Variants in EIF4E3 observed in about 807,000 individuals in gnomAD.
EIF4E3 encodes eukaryotic translation initiation factor 4E family member 3.
A neutral mutation model predicts 31.7 loss-of-function variants in EIF4E3; 26 were observed. The observed-to-expected ratio is 0.82, with a 90% confidence interval of 0.60 to 1.14. The LOEUF is 1.14. EIF4E3 is among the 50% of genes most tolerant of loss of function. The pLI, the probability that EIF4E3 is intolerant of heterozygous loss-of-function variation, is 0.00. For synonymous variants in EIF4E3, 128 were observed against 107.7 expected (o/e 1.19, Z -1.17); for missense variants, 304 against 270.9 (o/e 1.12, Z -0.86).
intron 1 of EIF4E3, among the ~76,000 whole-genome samples, chr3:71,714,539 G>A: frequency 6.6e-6 from 1 of 152,160 alleles, no homozygotes. Flanking sequence ...CGGGCCAGAG[G>A]AAGGCATGGC....
At chr3:71,706,596 A>G (rs1037660046) in intron 2 of EIF4E3, among the ~76,000 whole-genome samples, 1 of 152,140 alleles carries the variant, frequency 6.6e-6, no homozygotes, top group African/African-American at 2.4e-5. Flanking sequence ...GAGGGAACAC[A>G]GCTTGAGGTC....
At chr3:71,732,079 C>G (rs1464108043) in intron 1 of EIF4E3, among the ~76,000 whole-genome samples, 2 of 152,192 alleles carry the variant, frequency 1.3e-5, no homozygotes, top group Non-Finnish European at 2.9e-5. Context: ...GGGCCCACCC[C>G]CTCCACCACT....
At chr3:71,747,437 G>A (rs1041021574) in intron 1 of EIF4E3, among the ~76,000 whole-genome samples, 1 of 152,134 alleles carries the variant, frequency 6.6e-6, no homozygotes. Flanking sequence ...TTAGAGAAAT[G>A]CCTATTTAAA....
chr3:71,698,706 G>C (rs890800070), intron 3 of EIF4E3, among the ~76,000 whole-genome samples: 2 of 152,204 alleles, frequency 1.3e-5, no homozygotes. Context: ...GGGCTCGTGA[G>C]TACTGACAAT....
At chr3:71,706,262 T>A (rs1466442360) in intron 2 of EIF4E3, among the ~76,000 whole-genome samples, 1 of 152,170 alleles carries the variant, frequency 6.6e-6, no homozygotes, top group East Asian at 1.9e-4. Context: ...AAGGCATGAC[T>A]GGCTCTTTCC....
chr3:71,686,627 T>A (rs1048064391), intron 6 of EIF4E3, among the ~76,000 whole-genome samples: 6 of 151,726 alleles, frequency 4.0e-5, no homozygotes. Context: ...GAAAACACGC[T>A]TTGATCTGCA....
intron 5 of EIF4E3, among the ~76,000 whole-genome samples, chr3:71,691,786 T>A (rs1016863755): frequency 8.5e-5 from 13 of 152,376 alleles, no homozygotes; most frequent in African/African-American, 2.6e-4. Context: ...GAAAATATTT[T>A]TAGATACAGA....
intron 5 of EIF4E3, among the ~76,000 whole-genome samples, chr3:71,690,973 T>C (rs1351298454): frequency 6.6e-6 from 1 of 152,222 alleles, no homozygotes; most frequent in Non-Finnish European, 1.5e-5. Flanking sequence ...TAGGGCTGTC[T>C]TGCACATAGT....
the EIF4E3 span, among the ~76,000 whole-genome samples, chr3:71,661,078 C>A: frequency 6.6e-6 from 1 of 151,982 alleles, no homozygotes; most frequent in African/African-American, 2.4e-5. Flanking sequence ...CTTAATTGCC[C>A]CCACAGAGAT....
chr3:71,662,175 G>A, the EIF4E3 span, among the ~76,000 whole-genome samples: 1 of 152,192 alleles, frequency 6.6e-6, no homozygotes, highest in African/African-American at 2.4e-5. Context: ...CATACTGTAA[G>A]GGCAAGGTGG....
At chr3:71,700,360 C>T (rs576940890) in intron 2 of EIF4E3, among the ~76,000 whole-genome samples, 1 of 152,196 alleles carries the variant, frequency 6.6e-6, no homozygotes, top group South Asian at 2.1e-4. Flanking sequence ...TCCACTAAAG[C>T]CTTTAGTACT....
At chr3:71,754,634 C>A, upstream of EIF4E3, 1 of 1,476,530 alleles carries the variant, frequency 6.8e-7, no homozygotes, top group Non-Finnish European at 8.9e-7. This position sits in a 1 kb window ranked among gnomAD's most constrained non-coding sequence, Gnocchi z 5.8. Flanking sequence ...TGGTGGTGGG[C>A]GCCACGCACC....
chr3:71,684,553 T>C lies in EIF4E3; in HGVS notation c.*129A>G, dbSNP rs2048964735. 9.6e-7 allele frequency: 1 copy of C among 1,043,320 alleles called. No homozygotes were observed. Among genetic ancestry groups the C allele is most frequent in the Non-Finnish European group, 1.4e-6 (1 of 716,390 alleles). 64.6% of individuals were successfully genotyped at this position (1,043,320 alleles called of 1,614,324 possible). ...CCACTTTGAGTCCTAATTGCCCATC[T>C]GCAAGGACAGAAACCCACTCTAAAT... On this transcript the variant is annotated 3_prime_UTR_variant, in exon 7 of 7. Transcript: ENST00000425534.
upstream of EIF4E3, chr3:71,728,351 C>T (rs1357405320): frequency 6.6e-6 from 1 of 152,220 alleles, no homozygotes; most frequent in Non-Finnish European, 1.5e-5. Flanking sequence ...GGAAATTTCC[C>T]TCATCTGGGA....
chr3:71,674,908 G>A (rs898896123), downstream of EIF4E3, among the ~76,000 whole-genome samples: 9 of 152,182 alleles, frequency 5.9e-5, no homozygotes, highest in Admixed American at 4.6e-4. Flanking sequence ...AGGCACAAGC[G>A]AATAGAATTT....
chr3:71,744,440 A>G (rs1268367357), intron 1 of EIF4E3, among the ~76,000 whole-genome samples: 1 of 152,116 alleles, frequency 6.6e-6, no homozygotes, highest in East Asian at 1.9e-4. Flanking sequence ...CCAGATACGT[A>G]AAAAATCTTA....
chr3:71,754,432 G>A, upstream of EIF4E3: 1 of 1,347,188 alleles, frequency 7.4e-7, no homozygotes, highest in Non-Finnish European at 9.6e-7. This position sits in a 1 kb window ranked among gnomAD's most constrained non-coding sequence, Gnocchi z 5.8. Flanking sequence ...GCGCACCACC[G>A]CTTCTATGCA....
Position 71,747,329 on chromosome 3 carries a change from A to G in EIF4E3, c.-291+6134T>C, listed in dbSNP as rs137920089. On this transcript the variant is annotated intron_variant, in intron 1 of 7. Coordinates refer to the EIF4E3 transcript ENST00000295612. ...TTTTTGATAATAGCCACTATAGTAG[A>G]TATGAAGTGGTATCTCAGATGGTTT... Among the ~76,000 whole-genome samples the G allele has an allele frequency of 2.8e-3, 421 of 152,336 alleles. 4 individuals carry two copies. The highest frequency in any genetic ancestry group is 9.9e-3 in the African/African-American group (412 of 41,570).
Position 71,689,472 on chromosome 3 carries a change from T to C in EIF4E3, c.628+538A>G, listed in dbSNP as rs145874756. 5.0e-4 allele frequency among the ~76,000 whole-genome samples: 76 copies of C among 152,332 alleles called. 1 individual carries two copies. The highest frequency in any genetic ancestry group is 1.7e-3 in the African/African-American group (72 of 41,576). Reference sequence around the variant, plus strand: ...AATGGGTCCACACACCTATTCATACTGTTAACATTTCACCACTAGGCGTGA... The same window carrying C: ...AATGGGTCCACACACCTATTCATACCGTTAACATTTCACCACTAGGCGTGA... On this transcript the variant is annotated intron_variant, in intron 6 of 6. Coordinates refer to ENST00000425534, the MANE Select transcript of EIF4E3 (RefSeq NM_001134651.2).
Sources: gnomAD v4.1 joint callset for allele counts (sites outside exome capture counted in the v4.1 genomes callset) on GRCh38, gnomAD v4.1.1 for gene constraint, Gnocchi (gnomAD v3.1) non-coding constraint, MANE v1.5 for transcripts, NCBI Gene and HGNC (gene_info 2026-07-23, HGNC 2026-07-21) for gene names.